RGS6: variants seen among roughly 807,000 people sequenced by gnomAD.
The protein encoded by RGS6 is regulator of G protein signaling 6.
In RGS6, 30 loss-of-function variants were observed where a neutral mutation model predicts 78.5. The observed-to-expected ratio is 0.38, with a 90% confidence interval of 0.29 to 0.52. RGS6 has a LOEUF of 0.52. Among genes scored for constraint, RGS6 ranks in the 20% least tolerant of loss-of-function variants. The pLI is 0.85. For synonymous variants in RGS6, 206 were observed against 206.0 expected, an observed-to-expected ratio of 1.00 and a Z score of 0.00; for missense variants, 495 against 609.7, an observed-to-expected ratio of 0.81 and a Z score of 1.98.
At chr14:71,883,094 T>G in the RGS6 span, among the ~76,000 whole-genome samples, 3 of 152,336 alleles carry the variant, frequency 2.0e-5, no homozygotes, top group South Asian at 6.2e-4. Flanking sequence ...CTAAGTAAAC[T>G]CTGAAAAAGG....
intron 3 of RGS6, among the ~76,000 whole-genome samples, chr14:72,416,113 C>T (rs2093791927): frequency 6.6e-6 from 1 of 150,782 alleles, no homozygotes; most frequent in Non-Finnish European, 1.5e-5. Context: ...GCACTGCACC[C>T]CAGCCTGGGT....
chr14:72,467,908 T>C (rs1397570954), intron 7 of RGS6, among the ~76,000 whole-genome samples: 1 of 152,064 alleles, frequency 6.6e-6, no homozygotes, highest in African/African-American at 2.4e-5. Flanking sequence ...TGACATTACC[T>C]CCTTAACACA....
chr14:72,285,936 G>T (rs535732665), intron 2 of RGS6, among the ~76,000 whole-genome samples: 1 of 152,300 alleles, frequency 6.6e-6, no homozygotes, highest in African/African-American at 2.4e-5. Flanking sequence ...TATGTGGTTT[G>T]TGAATATTTT....
At chr14:71,917,535 G>A in the RGS6 span, among the ~76,000 whole-genome samples, 5 of 152,148 alleles carry the variant, frequency 3.3e-5, no homozygotes, top group South Asian at 2.1e-4. Flanking sequence ...TTGTCTACCC[G>A]CGACCTTGGG....
chr14:72,305,487 T>A (rs960929459), intron 2 of RGS6, among the ~76,000 whole-genome samples: 1 of 152,250 alleles, frequency 6.6e-6, no homozygotes, highest in Non-Finnish European at 1.5e-5. Flanking sequence ...TATCTGTGTG[T>A]CATATTTTGG....
chr14:72,231,956 T>G (rs112061994), intron 2 of RGS6, among the ~76,000 whole-genome samples: 1 of 152,052 alleles, frequency 6.6e-6, no homozygotes, highest in Non-Finnish European at 1.5e-5. Context: ...GTGGAGAGTT[T>G]TGAACACAGA....
chr14:72,542,845 G>A (rs2153515051), intron 17 of RGS6, among the ~76,000 whole-genome samples: 1 of 152,298 alleles, frequency 6.6e-6, no homozygotes, highest in East Asian at 1.9e-4. Flanking sequence ...ATGACATAGA[G>A]GGATTATCTG....
chr14:72,326,440 GGC>G (rs903309466), intron 2 of RGS6, among the ~76,000 whole-genome samples: 58 of 152,170 alleles, frequency 3.8e-4, no homozygotes, highest in African/African-American at 1.3e-3. Context: ...GGGTCATGGG[GGC>G]AGACCCCTTA....
intron 2 of RGS6, among the ~76,000 whole-genome samples, chr14:72,176,135 T>G (rs1010922612): frequency 2.0e-5 from 3 of 152,166 alleles, no homozygotes; most frequent in Non-Finnish European, 4.4e-5. Flanking sequence ...ACCCCTTAGT[T>G]GAAGTAAGGC....
chr14:72,603,388 A>G, the RGS6 span, among the ~76,000 whole-genome samples: 1 of 152,134 alleles, frequency 6.6e-6, no homozygotes, highest in Non-Finnish European at 1.5e-5. Context: ...AGGGGAGGAG[A>G]TCTGCTTCTG....
At chr14:72,112,702 G>A (rs1382651216) in intron 2 of RGS6, among the ~76,000 whole-genome samples, 1 of 152,146 alleles carries the variant, frequency 6.6e-6, no homozygotes, top group East Asian at 1.9e-4. Context: ...TGAGAAAATT[G>A]AGTGTCATAG....
In RGS6 at chr14:72,564,425, T is replaced by C. The variant is rs923137904; in HGVS notation, c.*1958T>C. The C allele has an allele frequency of 2.0e-5, 3 of 152,220 alleles. No individual in the cohort carries two copies. Among genetic ancestry groups the C allele is most frequent in the African/African-American group, 7.2e-5 (3 of 41,450 alleles). The allele number at this position is 152,220 out of a possible 1,614,324, so 9.4% of individuals were successfully genotyped here. ...AGCCCCATTCCAAGTTATGGGGTCT[T>C]TTGACAGGCCCCTTTCATCCTCTTT... On this transcript the variant is annotated 3_prime_UTR_variant, in exon 18 of 18. Coordinates refer to ENST00000553525, the MANE Select transcript of RGS6 (RefSeq NM_001204424.2).
At chr14:72,363,366 A>G (rs1235146441) in intron 3 of RGS6, among the ~76,000 whole-genome samples, 2 of 152,252 alleles carry the variant, frequency 1.3e-5, no homozygotes, top group African/African-American at 4.8e-5. Context: ...CATCAACTGA[A>G]ACCATGGCTG....
chr14:71,957,318 G>A (rs2092862975), intron 1 of RGS6, among the ~76,000 whole-genome samples: 1 of 152,166 alleles, frequency 6.6e-6, no homozygotes, highest in African/African-American at 2.4e-5. Context: ...TGGCCTGAGT[G>A]CCACAGAGCA....
At chr14:72,477,531 A>C (rs1002009834) in intron 11 of RGS6, among the ~76,000 whole-genome samples, 1 of 151,940 alleles carries the variant, frequency 6.6e-6, no homozygotes, top group African/African-American at 2.4e-5. Context: ...TCGGTGGCCC[A>C]CACCTGTAAT....
chr14:72,097,556 TAGC>T (rs1347272264), intron 2 of RGS6, among the ~76,000 whole-genome samples: 1 of 152,162 alleles, frequency 6.6e-6, no homozygotes, highest in Non-Finnish European at 1.5e-5. Context: ...AGGCCGCAAT[TAGC>T]AGAGACCAAG....
At chr14:72,045,241 A>G (rs187088745) in intron 2 of RGS6, among the ~76,000 whole-genome samples, 64 of 152,258 alleles carry the variant, frequency 4.2e-4, no homozygotes, top group African/African-American at 1.5e-3. Flanking sequence ...TAAGTCCAGT[A>G]TTTATCTGGT....
Position 71,958,046 on chromosome 14 carries a change from A to G in RGS6, c.-20-6726A>G, listed in dbSNP as rs534068098. ...ATATATATATATATATGCAGCTTTG[A>G]TAATTTAATTAGTTTAGCCTGTCAG... On this transcript the variant is annotated intron_variant, in intron 1 of 17. Transcript: ENST00000553525. Among the ~76,000 whole-genome samples, 3 of 152,172 alleles carry G rather than the reference A, an allele frequency of 2.0e-5. No individual in the cohort carries two copies. The South Asian group carries it at 6.2e-4, about 32-fold the overall frequency.
At chr14:72,037,234 G>A (rs906219593) in intron 2 of RGS6, among the ~76,000 whole-genome samples, 3 of 152,148 alleles carry the variant, frequency 2.0e-5, no homozygotes, top group African/African-American at 7.2e-5. Context: ...ATAAAAGCTG[G>A]CCACCCAAGC....
Sources: allele counts gnomAD v4.1 joint callset (sites outside exome capture counted in the v4.1 genomes callset), GRCh38; gene constraint gnomAD v4.1.1; transcripts MANE v1.5; gene names NCBI Gene and HGNC (gene_info 2026-07-23, HGNC 2026-07-21).